CSMD1: variants seen among roughly 807,000 people sequenced by gnomAD.
CSMD1 encodes CUB and sushi domain-containing protein 1.
In CSMD1, 213 loss-of-function variants were observed where a neutral mutation model predicts 417.5. The ratio of observed to expected loss-of-function variants is 0.51; its 90% confidence interval spans 0.46 to 0.57. CSMD1 has a LOEUF of 0.57. Among genes scored for constraint, CSMD1 ranks in the 20% least tolerant of loss-of-function variants. The pLI is 0.00. For synonymous variants in CSMD1, 2,862 were observed against 1,736.8 expected (o/e 1.65, Z -16.11); for missense variants, 6,923 against 4,529.7 (o/e 1.53, Z -15.17).
At chr8:3,185,002 T>C (rs1821653782) in intron 36 of CSMD1, among the ~76,000 whole-genome samples, 1 of 152,202 alleles carries the variant, frequency 6.6e-6, no homozygotes, top group Non-Finnish European at 1.5e-5. Context: ...TCCTTTATAA[T>C]ATAGTCTTAA....
intron 3 of CSMD1, among the ~76,000 whole-genome samples, chr8:4,258,409 A>G (rs370212470): frequency 0.56 from 27 of 48 alleles, 12 homozygotes; most frequent in Non-Finnish European, 0.79. Flanking sequence ...GAGGGAGGGA[A>G]GGAGGGGAGG....
chr8:4,647,719 C>A (rs771646618), intron 1 of CSMD1, among the ~76,000 whole-genome samples: 1 of 152,148 alleles, frequency 6.6e-6, no homozygotes, highest in Non-Finnish European at 1.5e-5. Flanking sequence ...CCAGCTTCAT[C>A]CATGTCCCTG....
chr8:3,284,655 A>C (rs1282454223), intron 25 of CSMD1: 4 of 314,368 alleles, frequency 1.3e-5, no homozygotes, highest in Non-Finnish European at 1.8e-5. Context: ...TGTATAATTT[A>C]AGCTTTCTAC....
intron 32 of CSMD1, among the ~76,000 whole-genome samples, chr8:3,200,667 G>C (rs1339295579): frequency 1.3e-5 from 2 of 151,966 alleles, no homozygotes; most frequent in South Asian, 2.1e-4. Flanking sequence ...GTGTGAATTG[G>C]CATAAGGTTT....
chr8:4,141,644 T>G (rs1003196431), intron 3 of CSMD1, among the ~76,000 whole-genome samples: 4 of 133,100 alleles, frequency 3.0e-5, no homozygotes, highest in Non-Finnish European at 5.2e-5. Flanking sequence ...ATTCACAAGT[T>G]TTTTAAATCT....
chr8:3,808,542 G>A (rs1194978257), intron 5 of CSMD1, among the ~76,000 whole-genome samples: 1 of 152,186 alleles, frequency 6.6e-6, no homozygotes, highest in Non-Finnish European at 1.5e-5. Flanking sequence ...TACATGCAAA[G>A]TCTGTCTCTC....
At chr8:3,802,538 A>C (rs1281536829) in intron 5 of CSMD1, among the ~76,000 whole-genome samples, 1 of 152,168 alleles carries the variant, frequency 6.6e-6, no homozygotes, top group Non-Finnish European at 1.5e-5. Context: ...TACATTTAGC[A>C]GAATAATTTT....
At chr8:4,443,856 G>A (rs1372119095) in intron 2 of CSMD1, among the ~76,000 whole-genome samples, 2 of 152,156 alleles carry the variant, frequency 1.3e-5, no homozygotes, top group African/African-American at 2.4e-5. Flanking sequence ...GGGTAACAAA[G>A]TTGACATGTG....
chr8:3,779,357 G>T (rs1799056636), intron 5 of CSMD1, among the ~76,000 whole-genome samples: 1 of 152,118 alleles, frequency 6.6e-6, no homozygotes, highest in African/African-American at 2.4e-5. Flanking sequence ...GCTACAAATT[G>T]TAATGACCCA....
At chr8:4,473,952 G>C (rs867932180) in intron 2 of CSMD1, among the ~76,000 whole-genome samples, 1 of 152,206 alleles carries the variant, frequency 6.6e-6, no homozygotes, top group African/African-American at 2.4e-5. Flanking sequence ...GTTTTCTACT[G>C]GGGGGAGGAT....
intron 3 of CSMD1, among the ~76,000 whole-genome samples, chr8:4,384,767 C>T (rs570321720): frequency 7.0e-4 from 106 of 152,274 alleles, no homozygotes; most frequent in African/African-American, 2.5e-3. Flanking sequence ...CAATTCCTAC[C>T]GGTCGGGCTT....
chr8:4,113,690 C>G (rs1362290857), intron 3 of CSMD1, among the ~76,000 whole-genome samples: 2 of 152,130 alleles, frequency 1.3e-5, no homozygotes, highest in African/African-American at 4.8e-5. Flanking sequence ...AGGCATGAGC[C>G]ACCGCGCCCA....
chr8:2,963,505 G>T, intron 59 of CSMD1, 110 bp from the exon 60 acceptor site: 1 of 1,050,372 alleles, frequency 9.5e-7, no homozygotes, highest in Non-Finnish European at 1.4e-6. Flanking sequence ...CATCTACATA[G>T]GTTTTTAAAA....
chr8:3,564,547 G>C (rs1280450336), intron 10 of CSMD1, among the ~76,000 whole-genome samples: 1 of 151,822 alleles, frequency 6.6e-6, no homozygotes, highest in Non-Finnish European at 1.5e-5. Flanking sequence ...GTGTGTGTGT[G>C]TGTATAATAC....
intron 5 of CSMD1, among the ~76,000 whole-genome samples, chr8:3,982,032 G>A (rs958344019): frequency 3.3e-5 from 5 of 151,798 alleles, no homozygotes; most frequent in South Asian, 2.1e-4. Context: ...TTAGCCTGGC[G>A]CGGTGACGGT....
chr8:3,667,238 T>C (rs1038816604), intron 7 of CSMD1, among the ~76,000 whole-genome samples: 6 of 152,106 alleles, frequency 3.9e-5, no homozygotes, highest in Non-Finnish European at 7.3e-5. Context: ...AGTCCCTACA[T>C]TATATTAATA....
Position 4,362,099 on chromosome 8 carries a change from G to T in CSMD1, c.415+57854C>A, listed in dbSNP as rs1469397649. On this transcript the variant is annotated intron_variant, in intron 3 of 69. Coordinates refer to ENST00000635120, the MANE Select transcript of CSMD1 (RefSeq NM_033225.6). ...GATAATTTAATTGATATACAAATGA[G>T]AACAGAATTACAAATCCAAGTACTT... Among the ~76,000 whole-genome samples the T allele has an allele frequency of 2.6e-5, 4 of 152,084 alleles. No individual in the cohort carries two copies. The East Asian group carries it at 7.7e-4, about 29-fold the overall frequency.
intron 3 of CSMD1, among the ~76,000 whole-genome samples, chr8:4,384,744 C>T (rs1013366443): frequency 2.0e-5 from 3 of 152,184 alleles, no homozygotes; most frequent in Non-Finnish European, 4.4e-5. Flanking sequence ...AATGTTGTGC[C>T]ACTTCACATC....
intron 2 of CSMD1, among the ~76,000 whole-genome samples, chr8:4,450,332 T>A (rs6999219): frequency 0.056 from 8,510 of 152,198 alleles, 599 homozygotes; most frequent in African/African-American, 0.16. Flanking sequence ...TTTGTTTTTT[T>A]AAAGATATTT....
Sources: allele counts gnomAD v4.1 joint callset (sites outside exome capture counted in the v4.1 genomes callset), GRCh38; gene constraint gnomAD v4.1.1; transcripts MANE v1.5; gene names NCBI Gene and HGNC (gene_info 2026-07-23, HGNC 2026-07-21).